CMSS1: variants seen among roughly 807,000 people sequenced by gnomAD.
CMSS1 encodes the protein cms1 ribosomal small subunit homolog.
CMSS1 carries 33 observed loss-of-function variants against 43.5 expected under a neutral mutation model. The ratio of observed to expected loss-of-function variants is 0.76; its 90% CI spans 0.57 to 1.01. The LOEUF (loss-of-function observed/expected upper bound fraction) is 1.01. Among genes scored for constraint, CMSS1 ranks in the 50% least tolerant of loss-of-function variants. The pLI is 0.00. For missense variants in CMSS1, 313 were observed against 326.4 expected (o/e 0.96, Z 0.32); for synonymous variants, 115 against 117.2 (o/e 0.98, Z 0.12).
intron 1 of CMSS1, among the ~76,000 whole-genome samples, chr3:99,925,330 G>A (rs1427590505): frequency 3.3e-5 from 5 of 152,116 alleles, no homozygotes; most frequent in South Asian, 4.1e-4. Context: ...TCAACCTGTG[G>A]CTGATACATG....
At chr3:99,950,687 C>G (rs1708150013) in intron 1 of CMSS1, among the ~76,000 whole-genome samples, 1 of 152,154 alleles carries the variant, frequency 6.6e-6, no homozygotes, top group Non-Finnish European at 1.5e-5. Context: ...ATGGAGGCAG[C>G]CCACGATTCT....
chr3:100,022,965 A>G (rs1559729116), intron 1 of CMSS1, among the ~76,000 whole-genome samples: 1 of 152,162 alleles, frequency 6.6e-6, no homozygotes, highest in Non-Finnish European at 1.5e-5. Flanking sequence ...AGGCCATGCA[A>G]TCTCTTGCTT....
At chr3:100,057,944 A>G (rs866943943) in intron 1 of CMSS1, among the ~76,000 whole-genome samples, 25 of 152,320 alleles carry the variant, frequency 1.6e-4, no homozygotes, top group Middle Eastern at 3.4e-3. Flanking sequence ...AAATCTTTCG[A>G]CATCGTGAGA....
At position 99,928,770 on chromosome 3, in the gene CMSS1, A is replaced by G. The variant is rs16841836; in HGVS notation, c.64+110727A>G. On this transcript the variant is annotated intron_variant, in intron 1 of 9. Transcript: ENST00000421999. ...GGGAATTTGTGCCTGACACTGTTTC[A>G]TAGTTAATATGTTGGGAGCCAGGAT... 5.0e-3 allele frequency among the ~76,000 whole-genome samples: 765 copies of G among 152,300 alleles called. 6 individuals carry two copies. Among genetic ancestry groups the G allele is most frequent in the African/African-American group, 0.017 (720 of 41,548 alleles).
chr3:99,995,334 T>C (rs758629903), intron 1 of CMSS1, among the ~76,000 whole-genome samples: 14 of 152,188 alleles, frequency 9.2e-5, no homozygotes, highest in Non-Finnish European at 1.8e-4. Context: ...CACATCCAGG[T>C]CACACTGATG....
intron 1 of CMSS1, among the ~76,000 whole-genome samples, chr3:99,963,151 C>T (rs995269227): frequency 1.1e-4 from 16 of 152,134 alleles, no homozygotes; most frequent in Non-Finnish European, 2.2e-4. Flanking sequence ...AGAGAAAGTT[C>T]GAAATGCTCT....
chr3:100,018,064 C>T (rs1710396275), intron 1 of CMSS1, among the ~76,000 whole-genome samples: 1 of 151,798 alleles, frequency 6.6e-6, no homozygotes, highest in South Asian at 2.1e-4. Context: ...TCCAGGGGCT[C>T]ACGCCTGTAA....
chr3:99,988,634 G>A (rs1709425135), intron 1 of CMSS1, among the ~76,000 whole-genome samples: 1 of 151,808 alleles, frequency 6.6e-6, no homozygotes, highest in Non-Finnish European at 1.5e-5. Context: ...AAGTCCAGTT[G>A]TATTTTCTTG....
At chr3:99,876,402 G>T (rs1323283807) in intron 1 of CMSS1, among the ~76,000 whole-genome samples, 1 of 144,348 alleles carries the variant, frequency 6.9e-6, no homozygotes, top group African/African-American at 2.6e-5. Context: ...GGTGGGCCGG[G>T]GCGCCGGCGC....
At chr3:99,843,403 G>A (rs1410830382) in intron 1 of CMSS1, among the ~76,000 whole-genome samples, 1 of 152,118 alleles carries the variant, frequency 6.6e-6, no homozygotes, top group African/African-American at 2.4e-5. Context: ...AAAACTTGGA[G>A]AATAAACCTT....
chr3:99,877,381 G>A (rs1000772654), intron 1 of CMSS1, among the ~76,000 whole-genome samples: 1 of 152,172 alleles, frequency 6.6e-6, no homozygotes. Context: ...AGTGGAGAAA[G>A]GATGTTTGCA....
intron 1 of CMSS1, among the ~76,000 whole-genome samples, chr3:99,952,429 T>C (rs1470196883): frequency 6.6e-6 from 1 of 152,212 alleles, no homozygotes; most frequent in Non-Finnish European, 1.5e-5. Context: ...TGGCTGATCC[T>C]ACCCCAGCCC....
At chr3:99,949,486 G>A (rs1015595042) in intron 1 of CMSS1, among the ~76,000 whole-genome samples, 28 of 152,194 alleles carry the variant, frequency 1.8e-4, no homozygotes, top group African/African-American at 6.8e-4. Context: ...TCCACGTATA[G>A]TCCCACCTTT....
chr3:100,030,895 A>G (rs904499444), intron 1 of CMSS1, among the ~76,000 whole-genome samples: 2 of 152,188 alleles, frequency 1.3e-5, no homozygotes, highest in Non-Finnish European at 2.9e-5. Flanking sequence ...GTGCAACTAT[A>G]TAGATATTCT....
chr3:99,962,719 G>A (rs1708531492), intron 1 of CMSS1, among the ~76,000 whole-genome samples: 1 of 152,172 alleles, frequency 6.6e-6, no homozygotes, highest in Non-Finnish European at 1.5e-5. Context: ...TATGAGGTAG[G>A]TATTATCCTC....
chr3:100,178,289 C>T lies in CMSS1; in HGVS notation c.757-16C>T. 5 of 1,566,074 alleles carry T rather than the reference C, an allele frequency of 3.2e-6. No individual in the cohort carries two copies. The highest frequency in any genetic ancestry group is 3.5e-6 in the Non-Finnish European group (4 of 1,138,078). On this transcript the variant is annotated splice_polypyrimidine_tract_variant and intron_variant, in intron 9 of 9. Transcript: ENST00000421999. ...CTTGATCTTAATCTTTTTTTCCCCC[C>T]TTTTCTCTCATTTAGATAAGAAAGG...
intron 1 of CMSS1, among the ~76,000 whole-genome samples, chr3:100,137,053 G>A (rs531673595): frequency 4.5e-4 from 68 of 152,336 alleles, no homozygotes; most frequent in African/African-American, 1.5e-3. Flanking sequence ...TCAGGGTCCT[G>A]TTCTTTGGAT....
At chr3:99,829,228 A>AT (rs71625540) in intron 1 of CMSS1, among the ~76,000 whole-genome samples, 9 of 151,876 alleles carry the variant, frequency 5.9e-5, no homozygotes, top group East Asian at 3.9e-4. Flanking sequence ...CGTTCCATTG[A>AT]TTTTTTTCCC....
chr3:99,892,116 T>C (rs952064423), intron 1 of CMSS1, among the ~76,000 whole-genome samples: 1 of 152,200 alleles, frequency 6.6e-6, no homozygotes, highest in Non-Finnish European at 1.5e-5. Flanking sequence ...AGAAATAGAA[T>C]ATCACTGGAG....
Sources: allele counts gnomAD v4.1 joint callset (sites outside exome capture counted in the v4.1 genomes callset), GRCh38; gene constraint gnomAD v4.1.1; transcripts MANE v1.5; gene names NCBI Gene and HGNC (gene_info 2026-07-23, HGNC 2026-07-21).